KIAA1549: variants seen among roughly 807,000 people sequenced by gnomAD.
KIAA1549 encodes UPF0606 protein KIAA1549.
In KIAA1549, 70 loss-of-function variants were observed where a neutral mutation model predicts 156.4. The observed-to-expected ratio is 0.45, with a 90% CI of 0.37 to 0.55. The LOEUF (loss-of-function observed/expected upper bound fraction) is 0.55. KIAA1549 is among the 20% of genes least tolerant of loss of function. The probability of loss-of-function intolerance (pLI) is 0.00; values close to 1 mark genes in which losing one functional copy is unlikely to be tolerated. For synonymous variants in KIAA1549, 1,103 were observed against 1,066.4 expected, an observed-to-expected ratio of 1.03 and a Z score of -0.67; for missense variants, 2,428 against 2,540.9, an observed-to-expected ratio of 0.96 and a Z score of 0.96.
chr7:138,942,131 G>A (rs957904000), intron 1 of KIAA1549, among the ~76,000 whole-genome samples: 7 of 152,212 alleles, frequency 4.6e-5, no homozygotes, highest in Admixed American at 2.0e-4. Flanking sequence ...ACAACTAGCA[G>A]GTGGTGGACC....
At chr7:138,894,906 A>C (rs1184006224) in intron 9 of KIAA1549, among the ~76,000 whole-genome samples, 1 of 152,194 alleles carries the variant, frequency 6.6e-6, no homozygotes, top group Non-Finnish European at 1.5e-5. Context: ...TTCTCTTCAA[A>C]AGTGGAGAGA....
chr7:138,881,427 T>A lies in KIAA1549; in HGVS notation c.4190A>T (p.Lys1397Met). Residue 1397 changes from lysine (K) to methionine (M), a missense_variant, in exon 11 of 20, where the codon AAG becomes ATG. Lys to Met is a moderately conservative substitution (Grantham distance 95). Around this residue, in one of 5 missense-constraint regions of KIAA1549, gnomAD observed 404 missense variants for 417.0 expected, o/e 0.97. Transcript: ENST00000422774. Reference protein sequence around the residue: ...PSENGDVPSPKSKIPSKNVRH... With the variant: ...PSENGDVPSPMSKIPSKNVRH... Reference sequence around the variant, plus strand: ...AACATTCTTGGAAGGGATCTTTGACTTGGGGCTTGGCACGTCTCCATTTTC... The same window carrying A: ...AACATTCTTGGAAGGGATCTTTGACATGGGGCTTGGCACGTCTCCATTTTC... The A allele has an allele frequency of 6.2e-7, 1 of 1,613,988 alleles. No homozygotes were observed. Among genetic ancestry groups the A allele is most frequent in the Non-Finnish European group, 8.5e-7 (1 of 1,179,890 alleles).
chr7:138,977,251 T>A (rs945088196), intron 1 of KIAA1549, among the ~76,000 whole-genome samples: 2 of 152,150 alleles, frequency 1.3e-5, no homozygotes, highest in Non-Finnish European at 2.9e-5. Flanking sequence ...TTCTAATACA[T>A]AAAGATTTAA....
At chr7:138,899,287 T>C in intron 8 of KIAA1549, 155 bp from the exon 9 acceptor site, 1 of 683,614 alleles carries the variant, frequency 1.5e-6, no homozygotes, top group Non-Finnish European at 2.6e-6. Flanking sequence ...ACCATGGTGC[T>C]CTCTGTTGAT....
chr7:138,853,280 G>A (rs1371417528), intron 16 of KIAA1549, among the ~76,000 whole-genome samples: 1 of 152,166 alleles, frequency 6.6e-6, no homozygotes, highest in Non-Finnish European at 1.5e-5. Flanking sequence ...AGTATTTTGA[G>A]TTAAGCATTG....
At chr7:138,909,644 T>C (rs1812111479) in intron 4 of KIAA1549, among the ~76,000 whole-genome samples, 2 of 152,298 alleles carry the variant, frequency 1.3e-5, no homozygotes, top group Admixed American at 1.3e-4. Context: ...TTAAATATGA[T>C]ATTTAGAAAT....
intron 18 of KIAA1549, among the ~76,000 whole-genome samples, chr7:138,842,524 CA>C (rs1239764243): frequency 6.6e-6 from 1 of 152,028 alleles, no homozygotes; most frequent in East Asian, 1.9e-4. Context: ...CTGTCTCTTC[CA>C]AAAATACAAA....
chr7:138,868,145 A>G lies in KIAA1549; in HGVS notation c.4776-17T>C. ...ATCCGTGAGCTGCCAGGAAAAAGAGAAATTATCTTCGTAGGAAATCACCCT... is the reference window on the plus strand; with the variant it reads ...ATCCGTGAGCTGCCAGGAAAAAGAGGAATTATCTTCGTAGGAAATCACCCT... On this transcript the variant is annotated splice_polypyrimidine_tract_variant and intron_variant, in intron 14 of 19. Transcript: ENST00000422774. The G allele has an allele frequency of 6.2e-7, 1 of 1,608,492 alleles. No individual in the cohort carries two copies. Among genetic ancestry groups the G allele is most frequent in the Non-Finnish European group, 8.5e-7 (1 of 1,177,916 alleles).
chr7:138,917,868 C>T lies in KIAA1549; in HGVS notation c.1758G>A (p.Pro586=), dbSNP rs751547233. 82 of 1,604,372 alleles carry T rather than the reference C, an allele frequency of 5.1e-5. No individual in the cohort carries two copies. Among genetic ancestry groups the T allele is most frequent in the East Asian group, 3.1e-4 (14 of 44,618 alleles). The part of the protein sequence containing the change: ...KNTPSLAVRD[P]SVFTPYSLVP... The stretch of plus-strand genomic sequence containing the variant: ...CCAGACTATAAGGCGTAAAAACACT[C>T]GGGTCTCTGACGGCAAGCGACGGTG... Residue 586 remains proline, a synonymous_variant, in exon 2 of 20, where the codon CCG becomes CCA. Coordinates refer to ENST00000422774, the MANE Select transcript of KIAA1549 (RefSeq NM_001164665.2).
chr7:138,966,538 G>C (rs2130565150), intron 1 of KIAA1549, among the ~76,000 whole-genome samples: 1 of 152,128 alleles, frequency 6.6e-6, no homozygotes, highest in South Asian at 2.1e-4. Flanking sequence ...GATGTTCAAG[G>C]GCAGGAAGCA....
intron 14 of KIAA1549, 118 bp downstream of exon 14, chr7:138,869,420 G>A (rs994356322): frequency 4.9e-5 from 38 of 773,906 alleles, no homozygotes; most frequent in Admixed American, 1.4e-4. Context: ...ACGTGAACAC[G>A]GATGGGGTCC....
At chr7:138,927,663 C>T (rs1453630668) in intron 1 of KIAA1549, among the ~76,000 whole-genome samples, 4 of 152,090 alleles carry the variant, frequency 2.6e-5, no homozygotes, top group Admixed American at 6.6e-5. Flanking sequence ...AATGCAATCG[C>T]AGATCAGAGG....
chr7:138,851,299 G>T (rs1226696112), intron 17 of KIAA1549, among the ~76,000 whole-genome samples: 2 of 151,448 alleles, frequency 1.3e-5, no homozygotes, highest in Non-Finnish European at 2.9e-5. Context: ...AAGTTATTTT[G>T]CTCTTCCTTA....
rs373028258 is a variant in KIAA1549, at chr7:138,918,134, T to C, written c.1492A>G (p.Met498Val). The C allele has an allele frequency of 1.4e-5, 22 of 1,613,822 alleles. No homozygotes were observed. Among genetic ancestry groups the C allele is most frequent in the Admixed American group, 1.7e-5 (1 of 59,982 alleles). ...CCAACACTCGTCTCTGAGATTTCCA[T>C]GGATCTAGAAGAAAGTGGGACGATA... Reference protein sequence around the residue: ...RPIVPLSSRSMEISETSVGIS... With the variant: ...RPIVPLSSRSVEISETSVGIS... Residue 498 changes from methionine to valine, a missense_variant, in exon 2 of 20, where the codon ATG becomes GTG. By Grantham distance (21) the Met-to-Val change is conservative (BLOSUM62 1). Coordinates refer to ENST00000422774, the MANE Select transcript of KIAA1549 (RefSeq NM_001164665.2). This position sits in a 1 kb window ranked among gnomAD's most constrained non-coding sequence, Gnocchi z 4.2.
At chr7:138,903,858 C>A in intron 7 of KIAA1549, 122 bp from the exon 8 acceptor site, 1 of 620,294 alleles carries the variant, frequency 1.6e-6, no homozygotes, top group Non-Finnish European at 2.4e-6. Flanking sequence ...TGTGTGCGCG[C>A]GCGCGCGCGC....
At chr7:138,881,905 G>A (rs1811255842) in intron 10 of KIAA1549, among the ~76,000 whole-genome samples, 1 of 152,218 alleles carries the variant, frequency 6.6e-6, no homozygotes, top group Non-Finnish European at 1.5e-5. Context: ...ACCAAAGCCA[G>A]GCCTTGAGAA....
intron 1 of KIAA1549, among the ~76,000 whole-genome samples, chr7:138,946,361 A>G (rs1193538768): frequency 3.9e-5 from 6 of 152,168 alleles, no homozygotes; most frequent in African/African-American, 1.4e-4. Flanking sequence ...TAAGAAACAC[A>G]GGGCATCTTC....
chr7:138,917,710 G>A lies in KIAA1549; in HGVS notation c.1916C>T (p.Ser639Phe). The A allele has an allele frequency of 6.2e-7, 1 of 1,601,598 alleles. No homozygotes were observed. The highest frequency in any genetic ancestry group is 8.5e-7 in the Non-Finnish European group (1 of 1,173,778). Residue 639 changes from serine to phenylalanine, a missense_variant, in exon 2 of 20, where the codon TCT (serine) becomes TTT (phenylalanine). By Grantham distance (155) the Ser-to-Phe change is radical. Around this residue, in one of 5 missense-constraint regions of KIAA1549, gnomAD observed 893 missense variants for 847.9 expected, o/e 1.05. Coordinates refer to ENST00000422774, the MANE Select transcript of KIAA1549 (RefSeq NM_001164665.2). ...AGACGCAGGTGCTTCCGAAGGCGAA[G>A]AGATGGAGCCGCTGAGTTCCAGCGG... ...TPPLELSGSISSPSEAPASLS... is the reference protein window; with the variant it reads ...TPPLELSGSIFSPSEAPASLS...
chr7:138,870,354 A>G (rs1418498388), intron 13 of KIAA1549, among the ~76,000 whole-genome samples: 1 of 152,228 alleles, frequency 6.6e-6, no homozygotes, highest in Non-Finnish European at 1.5e-5. Flanking sequence ...AAGCAGGGAA[A>G]AAAAGTCACT....
Sources: allele counts gnomAD v4.1 joint callset (sites outside exome capture counted in the v4.1 genomes callset), GRCh38; gene constraint gnomAD v4.1.1; regional missense constraint gnomAD v4.1.1; non-coding constraint Gnocchi (gnomAD v3.1); transcripts MANE v1.5; gene names NCBI Gene and HGNC (gene_info 2026-07-23, HGNC 2026-07-21).